SIMC1: variants seen among roughly 807,000 people sequenced by gnomAD.
SIMC1 encodes the protein SUMO-interacting motif-containing protein 1.
A neutral mutation model predicts 82.3 loss-of-function variants in SIMC1; 55 were observed. The ratio of observed to expected loss-of-function variants is 0.67; its 90% CI spans 0.54 to 0.84. The LOEUF (loss-of-function observed/expected upper bound fraction) is 0.84. Ranked by LOEUF, SIMC1 falls within the 40% of genes least tolerant of loss-of-function variation. The probability of loss-of-function intolerance (pLI) is 0.00; values close to 1 mark genes in which losing one functional copy is unlikely to be tolerated. For missense variants in SIMC1, 915 were observed against 1,107.2 expected (o/e 0.83, Z 2.46); for synonymous variants, 353 against 426.3 (o/e 0.83, Z 2.12).
chr5:176,335,106 A>T (rs1422367625), intron 7 of SIMC1, among the ~76,000 whole-genome samples: 1 of 90,422 alleles, frequency 1.1e-5, no homozygotes, highest in Non-Finnish European at 2.8e-5. Flanking sequence ...CAAAAAAAAA[A>T]AAATAATAAT....
At chr5:176,287,588 C>G (rs1033779446) in intron 1 of SIMC1, among the ~76,000 whole-genome samples, 1 of 151,546 alleles carries the variant, frequency 6.6e-6, no homozygotes, top group African/African-American at 2.4e-5. Context: ...ATGTAACAAA[C>G]CTGCATGTTG....
chr5:176,249,121 C>T (rs556521186), intron 1 of SIMC1, among the ~76,000 whole-genome samples: 2 of 152,186 alleles, frequency 1.3e-5, no homozygotes, highest in South Asian at 2.1e-4. Context: ...CCTCATAAAA[C>T]GAGTTAGGGA....
chr5:176,336,013 C>T (rs1414040728), intron 7 of SIMC1, among the ~76,000 whole-genome samples: 1 of 148,844 alleles, frequency 6.7e-6, no homozygotes, highest in Non-Finnish European at 1.5e-5. Context: ...CACTGCACTC[C>T]AGCCTGGATG....
intron 1 of SIMC1, among the ~76,000 whole-genome samples, chr5:176,263,159 A>G (rs1762074101): frequency 1.3e-5 from 2 of 152,222 alleles, no homozygotes; most frequent in African/African-American, 4.8e-5. Flanking sequence ...ATGGAGAAAC[A>G]TTTCATGTTT....
chr5:176,318,220 G>A (rs747589548), intron 5 of SIMC1, among the ~76,000 whole-genome samples: 3 of 152,304 alleles, frequency 2.0e-5, no homozygotes, highest in South Asian at 4.1e-4. Context: ...TTTTTCATCT[G>A]CCACGCAGAA....
chr5:176,259,691 T>A (rs1351716685), intron 1 of SIMC1, among the ~76,000 whole-genome samples: 1 of 151,344 alleles, frequency 6.6e-6, no homozygotes, highest in African/African-American at 2.4e-5. Context: ...GACAATTACT[T>A]GAATCTGGGA....
chr5:176,277,142 A>G (rs1657008126), intron 1 of SIMC1, among the ~76,000 whole-genome samples: 1 of 151,896 alleles, frequency 6.6e-6, no homozygotes, highest in African/African-American at 2.4e-5. Context: ...TTGCCATTCT[A>G]ACTGGTGTTA....
chr5:176,287,483 G>A (rs536251185), intron 1 of SIMC1, among the ~76,000 whole-genome samples: 3 of 152,130 alleles, frequency 2.0e-5, no homozygotes, highest in Non-Finnish European at 4.4e-5. Context: ...CCTGTAGTGG[G>A]GTGGGTGGCT....
rs571499789 is a variant in SIMC1, at chr5:176,280,343, T to C, written c.130-9311T>C. Among the ~76,000 whole-genome samples the C allele has an allele frequency of 3.3e-5, 5 of 152,326 alleles. No homozygotes were observed. In the South Asian group the frequency reaches 1.0e-3, roughly 32 times the overall value. On this transcript the variant is annotated intron_variant, in intron 1 of 9. Coordinates refer to ENST00000429602, the MANE Select transcript of SIMC1 (RefSeq NM_001308195.2). ...CATTTGCTTGGTAGGTCTTCCTCCA[T>C]CCTTTTATTTTGAGCCTATGTGTGT... is the stretch of plus-strand genomic sequence containing the variant.
intron 5 of SIMC1, among the ~76,000 whole-genome samples, chr5:176,317,256 A>T (rs1764955367): frequency 6.6e-6 from 1 of 152,204 alleles, no homozygotes; most frequent in African/African-American, 2.4e-5. Flanking sequence ...TTTTAAAAAG[A>T]GAGAGACATG....
intron 1 of SIMC1, among the ~76,000 whole-genome samples, chr5:176,249,005 G>C (rs946958070): frequency 6.6e-6 from 1 of 152,152 alleles, no homozygotes; most frequent in African/African-American, 2.4e-5. Flanking sequence ...TGGTGTGCCA[G>C]TATTTTATTG....
intron 7 of SIMC1, among the ~76,000 whole-genome samples, chr5:176,327,569 T>G (rs1442348903): frequency 6.6e-6 from 1 of 152,230 alleles, no homozygotes; most frequent in Non-Finnish European, 1.5e-5. Context: ...CCAATCTGTG[T>G]ATGCCTTTTG....
At chr5:176,280,790 C>A (rs940203076) in intron 1 of SIMC1, among the ~76,000 whole-genome samples, 2 of 152,164 alleles carry the variant, frequency 1.3e-5, no homozygotes, top group Non-Finnish European at 2.9e-5. Context: ...GAGTTTCTCC[C>A]AAGAGATCCG....
At chr5:176,301,257 A>T (rs1412919053) in intron 4 of SIMC1, among the ~76,000 whole-genome samples, 1 of 152,128 alleles carries the variant, frequency 6.6e-6, no homozygotes, top group Non-Finnish European at 1.5e-5. Flanking sequence ...AATAAATCTC[A>T]TGAGATCTGA....
chr5:176,298,424 G>A lies in SIMC1; in HGVS notation c.1734+2104G>A, dbSNP rs2114965. On this transcript the variant is annotated intron_variant, in intron 4 of 9. Coordinates refer to ENST00000429602, the MANE Select transcript of SIMC1 (RefSeq NM_001308195.2). The stretch of plus-strand genomic sequence containing the variant: ...TGAGATGGGAGTATCACCTGAGGTC[G>A]GGAGTTCGAGGCCAGCTCAGCCAAC... Among the ~76,000 whole-genome samples, 524 of 152,238 alleles carry A rather than the reference G, an allele frequency of 3.4e-3. 3 individuals carry two copies. The highest frequency in any genetic ancestry group is 8.5e-3 in the African/African-American group (351 of 41,530).
chr5:176,319,384 A>G (rs1385497913), intron 5 of SIMC1, among the ~76,000 whole-genome samples: 1 of 152,108 alleles, frequency 6.6e-6, no homozygotes, highest in Non-Finnish European at 1.5e-5. Flanking sequence ...AAATTAATAA[A>G]TAAGCCAGGC....
chr5:176,316,283 A>G (rs1764901569), intron 5 of SIMC1, among the ~76,000 whole-genome samples: 1 of 152,158 alleles, frequency 6.6e-6, no homozygotes, highest in Non-Finnish European at 1.5e-5. Flanking sequence ...TGAGTGGGAT[A>G]CCCAAGGCAC....
intron 4 of SIMC1, chr5:176,313,288 C>T: frequency 7.0e-7 from 1 of 1,435,276 alleles, no homozygotes; most frequent in Non-Finnish European, 9.1e-7. Flanking sequence ...TGGGTATATC[C>T]TGAGGTTGAT....
rs150137590 is a variant in SIMC1, at chr5:176,338,568, T to C, written c.2413+1422T>C. Among the ~76,000 whole-genome samples, 14 of 152,340 alleles carry C rather than the reference T, an allele frequency of 9.2e-5. 1 individual carries two copies. The highest frequency in any genetic ancestry group is 2.9e-4 in the African/African-American group (12 of 41,586). ...TTTTGATAATCATACTGGATTATGA[T>C]AGTAAATGTCCTTGGCCTTAGGAAA... On this transcript the variant is annotated intron_variant, in intron 9 of 9. Coordinates refer to ENST00000429602, the MANE Select transcript of SIMC1 (RefSeq NM_001308195.2).
Sources: allele counts gnomAD v4.1 joint callset (sites outside exome capture counted in the v4.1 genomes callset), GRCh38; gene constraint gnomAD v4.1.1; transcripts MANE v1.5; gene names NCBI Gene and HGNC (gene_info 2026-07-23, HGNC 2026-07-21).